The following CDH20 variants were observed in gnomAD, a reference collection of about 807,000 sequenced individuals.
CDH20 encodes cadherin 20, also known as cadherin-20.
Under a neutral mutation model 74.2 loss-of-function variants are expected in CDH20, and 29 were observed. The observed-to-expected ratio is 0.39, with a 90% confidence interval of 0.29 to 0.53. CDH20 has a LOEUF of 0.53. Ranked by LOEUF, CDH20 falls within the 20% of genes least tolerant of loss-of-function variation. The pLI is 0.69. For missense variants in CDH20, 988 were observed against 1,048.3 expected, an observed-to-expected ratio of 0.94 and a Z score of 0.79; for synonymous variants, 469 against 405.4, an observed-to-expected ratio of 1.16 and a Z score of -1.88.
chr18:61,419,873 T>G (rs907542967), intron 1 of CDH20, among the ~76,000 whole-genome samples: 17 of 152,152 alleles, frequency 1.1e-4, no homozygotes, highest in African/African-American at 4.1e-4. Context: ...AGCTAATAGA[T>G]CTTAATATTT....
At chr18:61,534,343 G>A (rs1189917318) in intron 7 of CDH20, among the ~76,000 whole-genome samples, 1 of 152,166 alleles carries the variant, frequency 6.6e-6, no homozygotes, top group Non-Finnish European at 1.5e-5. Context: ...AAACTAAAAA[G>A]AGAATTACCA....
chr18:61,478,653 G>A (rs1162535455), intron 1 of CDH20, among the ~76,000 whole-genome samples: 1 of 152,150 alleles, frequency 6.6e-6, no homozygotes, highest in Non-Finnish European at 1.5e-5. Context: ...AACAGTGGAT[G>A]GTGAAGAATA....
intron 1 of CDH20, among the ~76,000 whole-genome samples, chr18:61,376,210 A>G (rs910010289): frequency 1.6e-4 from 25 of 152,134 alleles, no homozygotes; most frequent in African/African-American, 6.0e-4. Context: ...ACAAAGCAGC[A>G]CTACTAAAAT....
intron 1 of CDH20, among the ~76,000 whole-genome samples, chr18:61,445,961 C>T (rs1307387203): frequency 1.3e-5 from 2 of 152,066 alleles, no homozygotes; most frequent in Non-Finnish European, 2.9e-5. Flanking sequence ...GCTTAAGTGT[C>T]CCTGTATATA....
intron 1 of CDH20, among the ~76,000 whole-genome samples, chr18:61,441,454 A>C (rs1414234933): frequency 6.6e-6 from 1 of 152,214 alleles, no homozygotes; most frequent in Non-Finnish European, 1.5e-5. Flanking sequence ...TTCAGAAAGC[A>C]CCAAATTAAG....
chr18:61,452,270 A>T (rs1032724389), intron 1 of CDH20, among the ~76,000 whole-genome samples: 1 of 152,076 alleles, frequency 6.6e-6, no homozygotes, highest in Non-Finnish European at 1.5e-5. Context: ...GTGAAATTTT[A>T]TGTTTTTAAA....
At chr18:61,542,686 T>C (rs566848314) in intron 9 of CDH20, among the ~76,000 whole-genome samples, 4 of 152,082 alleles carry the variant, frequency 2.6e-5, no homozygotes, top group Non-Finnish European at 5.9e-5. Context: ...AGAAAAGAGG[T>C]TCATTTGGCT....
chr18:61,402,380 C>T (rs1289284993), intron 1 of CDH20, among the ~76,000 whole-genome samples: 1 of 152,074 alleles, frequency 6.6e-6, no homozygotes, highest in African/African-American at 2.4e-5. Flanking sequence ...TAGATTTCCC[C>T]TGCCAGCACA....
intron 6 of CDH20, among the ~76,000 whole-genome samples, chr18:61,527,412 T>TAGAA (rs1912466973): frequency 6.6e-6 from 1 of 150,808 alleles, no homozygotes; most frequent in South Asian, 2.1e-4. Flanking sequence ...GATAGATAGA[T>TAGAA]AGAATAGATA....
intron 1 of CDH20, among the ~76,000 whole-genome samples, chr18:61,467,477 G>C (rs891946421): frequency 6.6e-6 from 1 of 152,022 alleles, no homozygotes; most frequent in African/African-American, 2.4e-5. Context: ...ATCAAATACA[G>C]AGTTTGCAAC....
intron 1 of CDH20, among the ~76,000 whole-genome samples, chr18:61,485,222 C>T (rs1374587905): frequency 1.3e-5 from 2 of 152,126 alleles, no homozygotes; most frequent in Non-Finnish European, 2.9e-5. Context: ...TTCGATTCTC[C>T]ATACACCATC....
chr18:61,362,332 A>AAATGCTGTTTAGCAGCAGAGTC (rs1439110481), intron 1 of CDH20, among the ~76,000 whole-genome samples: 1 of 152,168 alleles, frequency 6.6e-6, no homozygotes, highest in Non-Finnish European at 1.5e-5. Flanking sequence ...CTAAAAACAG[A>AAATGCTGTTTAGCAGCAGAGTC]AATGCTGTTT....
chr18:61,480,905 T>C (rs571968335), intron 1 of CDH20, among the ~76,000 whole-genome samples: 72 of 152,368 alleles, frequency 4.7e-4, no homozygotes, highest in African/African-American at 1.7e-3. Context: ...TTGACTTTTG[T>C]TGACTTTGTA....
At chr18:61,485,099 T>C (rs1910712035) in intron 1 of CDH20, among the ~76,000 whole-genome samples, 1 of 152,286 alleles carries the variant, frequency 6.6e-6, no homozygotes, top group East Asian at 1.9e-4. Context: ...AGATAAATAA[T>C]GAGAATTAGA....
At chr18:61,412,718 A>G (rs1481901586) in intron 1 of CDH20, among the ~76,000 whole-genome samples, 2 of 152,214 alleles carry the variant, frequency 1.3e-5, no homozygotes, top group Admixed American at 1.3e-4. Context: ...TAAATAGTTC[A>G]TCTATAATAA....
chr18:61,517,170 A>C (rs1194619931), intron 6 of CDH20, among the ~76,000 whole-genome samples: 2 of 152,216 alleles, frequency 1.3e-5, no homozygotes, highest in African/African-American at 4.8e-5. Context: ...ACTTAGGAGA[A>C]AATCCTTGCA....
intron 1 of CDH20, among the ~76,000 whole-genome samples, chr18:61,479,493 G>A (rs929801819): frequency 2.0e-5 from 3 of 152,024 alleles, no homozygotes; most frequent in Admixed American, 1.3e-4. Flanking sequence ...TTATATTTCA[G>A]TACTAACTAA....
In CDH20 at chr18:61,369,997, T is replaced by C. The variant is rs137980496; in HGVS notation, c.-153+36170T>C. Among the ~76,000 whole-genome samples, 410 of 152,234 alleles carry C rather than the reference T, an allele frequency of 2.7e-3. 4 individuals are homozygous for C. The highest frequency in any genetic ancestry group is 9.0e-3 in the African/African-American group (376 of 41,556). ...AATACTTGGATGATGAAACAATCTG[T>C]ACAACAAAGCCCCATGACACAAGTT... On this transcript the variant is annotated intron_variant, in intron 1 of 11. Coordinates refer to ENST00000262717, the MANE Select transcript of CDH20 (RefSeq NM_031891.4).
chr18:61,417,624 G>A (rs922334470), intron 1 of CDH20, among the ~76,000 whole-genome samples: 2 of 137,960 alleles, frequency 1.4e-5, no homozygotes, highest in Middle Eastern at 3.9e-3. Flanking sequence ...ATGGAGATAG[G>A]GAGTAGAATA....
Sources: allele counts gnomAD v4.1 joint callset (sites outside exome capture counted in the v4.1 genomes callset), GRCh38; gene constraint gnomAD v4.1.1; transcripts MANE v1.5; gene names NCBI Gene and HGNC (gene_info 2026-07-23, HGNC 2026-07-21).